Variants in DBN1 observed in about 807,000 individuals in gnomAD.
DBN1 encodes the protein drebrin.
A neutral mutation model predicts 83.5 loss-of-function variants in DBN1; 21 were observed. The ratio of observed to expected loss-of-function variants is 0.25; its 90% confidence interval spans 0.18 to 0.36. The LOEUF is 0.36. Ranked by LOEUF, DBN1 falls within the 10% of genes least tolerant of loss-of-function variation. The pLI, the probability that DBN1 is intolerant of heterozygous loss-of-function variation, is 1.00. For synonymous variants in DBN1, 381 were observed against 384.9 expected, an observed-to-expected ratio of 0.99 and a Z score of 0.12; for missense variants, 874 against 935.7, an observed-to-expected ratio of 0.93 and a Z score of 0.86.
chr5:177,464,241 T>C (rs1434741092), intron 8 of DBN1, among the ~76,000 whole-genome samples: 1 of 135,002 alleles, frequency 7.4e-6, no homozygotes. Context: ...AGGTCAGGAG[T>C]TCGAGACCAG....
At chr5:177,469,670 C>A (rs946230434) in intron 1 of DBN1, among the ~76,000 whole-genome samples, 2 of 152,224 alleles carry the variant, frequency 1.3e-5, no homozygotes, top group African/African-American at 4.8e-5. Context: ...GGCCTTCCTC[C>A]TTCCTCCTCC....
intron 1 of DBN1, chr5:177,472,136 TTG>T (rs1433542791): frequency 6.2e-7 from 1 of 1,611,528 alleles, no homozygotes; most frequent in East Asian, 2.2e-5. Context: ...ACACGAGAGC[TTG>T]TCTCTCGCGT....
In DBN1 at chr5:177,457,425, C is replaced by CGT. The variant is rs1756585832; in HGVS notation, c.*7_*8insAC. The CGT allele has an allele frequency of 1.9e-6, 3 of 1,612,810 alleles. No homozygotes were observed. The highest frequency in any genetic ancestry group is 2.5e-6 in the Non-Finnish European group (3 of 1,179,050). On this transcript the variant is annotated 3_prime_UTR_variant, in exon 15 of 15. Transcript: ENST00000393565. ...CTTGGCAAGGGTAGCCTAGGGCTGG[C>CGT]GCCACCGCTAATCACCACCCTCGAA...
chr5:177,472,511 T>C, intron 1 of DBN1: 1 of 858,722 alleles, frequency 1.2e-6, no homozygotes, highest in South Asian at 2.2e-5. Flanking sequence ...AGGTGGTCCA[T>C]CCCCTCCCCC....
chr5:177,457,953 G>A (rs1396311874), intron 13 of DBN1, 105 bp downstream of exon 13: 1 of 1,510,436 alleles, frequency 6.6e-7, no homozygotes, highest in Non-Finnish European at 9.2e-7. Flanking sequence ...AATAATGTGG[G>A]TCACAGAGAA....
rs1388010275 is a variant in DBN1, at chr5:177,457,733, A to C, written c.1939T>G (p.Ser647Ala). The part of the protein sequence containing the change: ...TQASEGYFSQ[S>A]QEEEFAQSEE... ...GATTGGGCAAACTCCTCCTCCTGTG[A>C]TTGACTGAAGTACCCCTCACTGGCC... The change falls in exon 14 of 15, where the codon TCA (serine) becomes GCA (alanine). Residue 647 changes from serine to alanine, a missense_variant. Coordinates refer to ENST00000393565, the MANE Select transcript of DBN1 (RefSeq NM_001363541.2). 6.2e-7 allele frequency: 1 copy of C among 1,612,020 alleles called. No individual in the cohort carries two copies. The highest frequency in any genetic ancestry group is 8.5e-7 in the Non-Finnish European group (1 of 1,178,372).
intron 13 of DBN1, 39 bp downstream of exon 13, chr5:177,458,019 C>CTCCCTCCCA (rs760872374): frequency 6.2e-7 from 1 of 1,612,708 alleles, no homozygotes; most frequent in East Asian, 2.2e-5. Context: ...TCAGCCCCCA[C>CTCCCTCCCA]TCCCTCCCAT....
intron 1 of DBN1, among the ~76,000 whole-genome samples, chr5:177,469,850 A>G (rs1379633083): frequency 6.6e-6 from 1 of 152,224 alleles, no homozygotes; most frequent in African/African-American, 2.4e-5. Context: ...TTGTCCCTGA[A>G]GTTTGAAAGG....
At chr5:177,458,799 G>T in intron 12 of DBN1, 92 bp from the exon 13 acceptor site, 1 of 1,274,380 alleles carries the variant, frequency 7.8e-7, no homozygotes, top group Non-Finnish European at 1.0e-6. Context: ...GGGAGCCAGG[G>T]ACTTCCATGC....
chr5:177,457,686 A>G lies in DBN1; in HGVS notation c.1986T>C (p.Ala662=), dbSNP rs756199041. Residue 662 remains alanine (A), a synonymous_variant, in exon 14 of 15, where the codon GCT becomes GCC. Coordinates refer to ENST00000393565, the MANE Select transcript of DBN1 (RefSeq NM_001363541.2). ...FAQSEELCAK[A]PPPVFYNKPP... ...GCTTGTTGTAGAACACAGGAGGCGGAGCCTTGGCACAGAGCTCTTCCGATT... is the reference window on the plus strand; with the variant it reads ...GCTTGTTGTAGAACACAGGAGGCGGGGCCTTGGCACAGAGCTCTTCCGATT... The G allele has an allele frequency of 6.8e-6, 11 of 1,608,650 alleles. No homozygotes were observed. The highest frequency in any genetic ancestry group is 1.3e-5 in the African/African-American group (1 of 74,788).
At position 177,459,688 on chromosome 5, in the gene DBN1, G is replaced by A. The variant is rs532947675; in HGVS notation, c.1008C>T (p.Ser336=). Residue 336 remains serine, a synonymous_variant, in exon 11 of 15, where the codon TCC becomes TCT. Transcript: ENST00000393565. ...IKASDSGPSS[S]SSSSSSPPRT... is the part of the protein sequence containing the mutation. Reference sequence around the variant, plus strand: ...GTGGAGGGGAGGAGGAGGAAGAGGAGGAGGAGGAAGGCCCACTGTCCGATG... The same window carrying A: ...GTGGAGGGGAGGAGGAGGAAGAGGAAGAGGAGGAAGGCCCACTGTCCGATG... The A allele has an allele frequency of 3.8e-5, 61 of 1,591,386 alleles. No homozygotes were observed. The East Asian group carries it at 1.3e-3, about 34-fold the overall frequency.
intron 12 of DBN1, 48 bp downstream of exon 12, chr5:177,459,050 C>T (rs754541844): frequency 5.8e-6 from 9 of 1,554,098 alleles, no homozygotes; most frequent in Non-Finnish European, 6.9e-6. Flanking sequence ...GGCTCCCAGC[C>T]AGGGACTGAT....
intron 1 of DBN1, chr5:177,472,099 C>T (rs778697597): frequency 2.7e-5 from 43 of 1,599,584 alleles, no homozygotes; most frequent in African/African-American, 4.1e-5. Flanking sequence ...GAGCCTGTGC[C>T]GGCCTCTCCT....
In DBN1 at chr5:177,469,798, C is replaced by T. The variant is rs1459057130; in HGVS notation, c.87-899G>A. 2.0e-5 allele frequency among the ~76,000 whole-genome samples: 3 copies of T among 152,204 alleles called. No homozygotes were observed. The South Asian group carries it at 6.2e-4, about 32-fold the overall frequency. On this transcript the variant is annotated intron_variant, in intron 1 of 14. Transcript: ENST00000393565. ...ACCCCATGCAGGCCCAGGCTGAGGA[C>T]CCTCTGGGAGGGAGGAGAGCCGGGG...
Position 177,459,134 on chromosome 5 carries a change from G to A in DBN1, c.1228C>T (p.Pro410Ser). The A allele has an allele frequency of 6.2e-7, 1 of 1,611,070 alleles. No homozygotes were observed. The highest frequency in any genetic ancestry group is 1.3e-5 in the African/African-American group (1 of 74,780). Residue 410 changes from proline (P) to serine (S), a missense_variant, in exon 12 of 15, where the codon CCT becomes TCT. This residue lies in a region of DBN1 where 725 missense variants were observed against 719.7 expected (regional missense o/e 1.01). Coordinates refer to ENST00000393565, the MANE Select transcript of DBN1 (RefSeq NM_001363541.2). ...RALDEVTSSQ[P>S]PPLPPPPPPA... is the part of the protein sequence containing the mutation. Reference sequence around the variant, plus strand: ...GGGGGTGGCGGTGGCAGTGGTGGAGGCTGCGAGGAGGTGACCTCATCCAGG... The same window carrying A: ...GGGGGTGGCGGTGGCAGTGGTGGAGACTGCGAGGAGGTGACCTCATCCAGG...
At chr5:177,465,923 A>G (rs1457694622) in intron 8 of DBN1, among the ~76,000 whole-genome samples, 1 of 150,014 alleles carries the variant, frequency 6.7e-6, no homozygotes, top group African/African-American at 2.5e-5. Context: ...GTTCTCCACC[A>G]TGTTCTTTAT....
At position 177,458,725 on chromosome 5, in the gene DBN1, G is replaced by C; in HGVS notation, c.1265-18C>G. The C allele has an allele frequency of 6.7e-7, 1 of 1,496,090 alleles. No homozygotes were observed. Among genetic ancestry groups the C allele is most frequent in the Admixed American group, 2.4e-5 (1 of 42,262 alleles). 92.7% of individuals were successfully genotyped at this position (1,496,090 alleles called of 1,614,324 possible). A position where few individuals can be genotyped will look rare whatever the true frequency, so the allele number is the denominator to read the frequency against. On this transcript the variant is annotated intron_variant, in intron 12 of 14. Coordinates refer to ENST00000393565, the MANE Select transcript of DBN1 (RefSeq NM_001363541.2). The stretch of plus-strand genomic sequence containing the variant: ...CTGGGTCTCTGTCACAGCACAGGCA[G>C]AGGAGATATGTAACCGGCTCCCCTC...
Position 177,466,884 on chromosome 5 carries a change from T to C in DBN1, c.707+27A>G. The C allele has an allele frequency of 1.2e-6, 2 of 1,613,218 alleles. No individual in the cohort carries two copies. Among genetic ancestry groups the C allele is most frequent in the Admixed American group, 1.7e-5 (1 of 60,020 alleles). Reference sequence around the variant, plus strand: ...CCGTCAGGGTGCGCCCGGGGGCCCCTGGAGCGCTCCGGGCGGGCAGGCTCA... The same window carrying C: ...CCGTCAGGGTGCGCCCGGGGGCCCCCGGAGCGCTCCGGGCGGGCAGGCTCA... On this transcript the variant is annotated intron_variant, in intron 7 of 14. Coordinates refer to ENST00000393565, the MANE Select transcript of DBN1 (RefSeq NM_001363541.2). This position sits in a 1 kb window ranked among gnomAD's most constrained non-coding sequence, Gnocchi z 4.8.
intron 3 of DBN1, 41 bp downstream of exon 3, chr5:177,468,063 GCAGC>G: frequency 1.2e-6 from 1 of 835,676 alleles, no homozygotes; most frequent in Non-Finnish European, 2.0e-6. Flanking sequence ...CAGTTGATGA[GCAGC>G]TCTGGGCCCT....
Sources: allele counts gnomAD v4.1 joint callset (sites outside exome capture counted in the v4.1 genomes callset), GRCh38; gene constraint gnomAD v4.1.1; regional missense constraint gnomAD v4.1.1; non-coding constraint Gnocchi (gnomAD v3.1); transcripts MANE v1.5; gene names NCBI Gene and HGNC (gene_info 2026-07-23, HGNC 2026-07-21).